MGRN1: variants seen among roughly 807,000 people sequenced by gnomAD.
MGRN1 encodes the protein mahogunin ring finger 1.
Under a neutral mutation model 69.2 loss-of-function variants are expected in MGRN1, and 29 were observed. The ratio of observed to expected loss-of-function variants is 0.42; its 90% CI spans 0.31 to 0.57. The LOEUF is 0.57. MGRN1 is among the 20% of genes least tolerant of loss of function. MGRN1 has a pLI of 0.15. For synonymous variants in MGRN1, 470 were observed against 344.2 expected (o/e 1.37, Z -4.04); for missense variants, 998 against 796.2 (o/e 1.25, Z -3.05).
chr16:4,630,755 G>A (rs1052595668), intron 1 of MGRN1, among the ~76,000 whole-genome samples: 1 of 148,868 alleles, frequency 6.7e-6, no homozygotes, highest in Non-Finnish European at 1.5e-5. Context: ...TTTTCTAGAA[G>A]TTTTATAGTT....
Position 4,683,950 on chromosome 16 carries a change from T to A in MGRN1, c.1618+18T>A. 1 of 465,002 alleles carries A rather than the reference T, an allele frequency of 2.2e-6. No homozygotes were observed. Among genetic ancestry groups the A allele is most frequent in the Non-Finnish European group, 4.0e-6 (1 of 248,672 alleles). 28.8% of individuals were successfully genotyped at this position (465,002 alleles called of 1,614,324 possible). On this transcript the variant is annotated intron_variant, in intron 16 of 16. Transcript: ENST00000262370. ...CCTGCCAGGTAAGGGGCTGGGGGTC[T>A]GGGGGTGAGGGGCTGGGTGCCTGTC...
At chr16:4,684,002 C>G in intron 16 of MGRN1, 70 bp downstream of exon 16, 1 of 1,362,078 alleles carries the variant, frequency 7.3e-7, no homozygotes, top group South Asian at 1.3e-5. Context: ...GGGCCCTGCT[C>G]TGATGGTCGG....
In MGRN1 at chr16:4,669,682, T is replaced by C. The variant is rs142863610; in HGVS notation, c.726+1370T>C. On this transcript the variant is annotated intron_variant, in intron 8 of 16. Coordinates refer to ENST00000262370, the MANE Select transcript of MGRN1 (RefSeq NM_015246.4). ...ACCAGAAACAAAGTCTGCAACTCCT[T>C]CTCCTCTTCCTTACAAATTGTCCAA... is the stretch of plus-strand genomic sequence containing the variant. Among the ~76,000 whole-genome samples the C allele has an allele frequency of 1.9e-4, 29 of 152,260 alleles. No homozygotes were observed. In the East Asian group the frequency reaches 5.4e-3, roughly 28 times the overall value.
intron 16 of MGRN1, chr16:4,687,080 A>G: frequency 1.0e-6 from 1 of 985,494 alleles, no homozygotes; most frequent in Non-Finnish European, 1.2e-6. Flanking sequence ...CCTGGCACAC[A>G]GTCCCTCGTG....
intron 1 of MGRN1, among the ~76,000 whole-genome samples, chr16:4,647,866 C>T (rs2078307187): frequency 6.6e-6 from 1 of 152,156 alleles, no homozygotes; most frequent in Non-Finnish European, 1.5e-5. Context: ...ACCACTGTTC[C>T]TGGCAGTCAG....
At chr16:4,685,852 T>A (rs573596092) in intron 16 of MGRN1, among the ~76,000 whole-genome samples, 1 of 152,266 alleles carries the variant, frequency 6.6e-6, no homozygotes, top group African/African-American at 2.4e-5. Flanking sequence ...AACCCTGCTG[T>A]CCCTGTAGAT....
intron 1 of MGRN1, among the ~76,000 whole-genome samples, chr16:4,628,988 C>G (rs1325569010): frequency 2.6e-5 from 4 of 152,096 alleles, no homozygotes; most frequent in Admixed American, 2.0e-4. Flanking sequence ...AGGCACTGGC[C>G]ACTATGCCAG....
intron 16 of MGRN1, among the ~76,000 whole-genome samples, chr16:4,684,536 CAG>C (rs1488019874): frequency 6.6e-6 from 1 of 152,378 alleles, no homozygotes; most frequent in African/African-American, 2.4e-5. Context: ...AGGCCAGGCA[CAG>C]AGGACGGCGG....
intron 1 of MGRN1, among the ~76,000 whole-genome samples, chr16:4,642,024 T>C (rs1474961974): frequency 2.0e-5 from 3 of 152,130 alleles, no homozygotes. Flanking sequence ...AGTTGTTGAT[T>C]GTCTGCGCCG....
rs1328400263 is a variant in MGRN1 at position 4,674,619 on chromosome 16, TTCTTTTC to T, written c.955+964_955+970del. On this transcript the variant is annotated intron_variant, in intron 10 of 16. Coordinates refer to ENST00000262370, the MANE Select transcript of MGRN1 (RefSeq NM_015246.4). The stretch of plus-strand genomic sequence containing the variant: ...TTCTTTTCTTTTTTTTTCTTTTCTT[TTCTTTTC>T]TTTTTTTTTTTTTTTTTTTTTTTTT... Among the ~76,000 whole-genome samples, 78 of 126,482 alleles carry T rather than the reference TTCTTTTC, an allele frequency of 6.2e-4. 1 individual carries two copies. The highest frequency in any genetic ancestry group is 2.2e-3 in the African/African-American group (75 of 34,466). 83.0% of individuals were successfully genotyped at this position (126,482 alleles called of 152,430 possible). A position where few individuals can be genotyped will look rare whatever the true frequency, so the allele number is the denominator to read the frequency against.
At chr16:4,663,508 C>T (rs1370670617) in intron 5 of MGRN1, among the ~76,000 whole-genome samples, 1 of 150,562 alleles carries the variant, frequency 6.6e-6, no homozygotes, top group East Asian at 2.0e-4. Flanking sequence ...TTCAGTAAAT[C>T]TTCATTGAGA....
At chr16:4,662,770 G>A (rs940886583) in intron 5 of MGRN1, among the ~76,000 whole-genome samples, 3 of 152,188 alleles carry the variant, frequency 2.0e-5, no homozygotes, top group Admixed American at 6.5e-5. Flanking sequence ...CCCACTTCAC[G>A]GGGGGACAGC....
chr16:4,674,545 C>T (rs1470380092), intron 10 of MGRN1, among the ~76,000 whole-genome samples: 1 of 150,200 alleles, frequency 6.7e-6, no homozygotes, highest in Non-Finnish European at 1.5e-5. Context: ...CCTGGGCCTC[C>T]CAAAGTGCTG....
At chr16:4,685,438 C>T (rs2079289537) in intron 16 of MGRN1, among the ~76,000 whole-genome samples, 1 of 152,204 alleles carries the variant, frequency 6.6e-6, no homozygotes, top group Non-Finnish European at 1.5e-5. Flanking sequence ...TCTTCAGGCC[C>T]ACAGACGGGG....
chr16:4,661,650 C>G (rs2078684152), intron 5 of MGRN1, among the ~76,000 whole-genome samples: 2 of 152,274 alleles, frequency 1.3e-5, no homozygotes, highest in Non-Finnish European at 2.9e-5. Context: ...CCCTTCCTCA[C>G]TAACAGAGAC....
chr16:4,672,619 ACT>A (rs2078964829), intron 9 of MGRN1: 20 of 358,092 alleles, frequency 5.6e-5, no homozygotes, highest in South Asian at 4.1e-4. Context: ...TGTTGCACTG[ACT>A]CCACGCTGCC....
At chr16:4,664,385 T>G in intron 5 of MGRN1, 1 of 380,822 alleles carries the variant, frequency 2.6e-6, no homozygotes, top group Non-Finnish European at 4.8e-6. Context: ...TGGGTGCTGA[T>G]GGCTACGTGT....
intron 12 of MGRN1, 33 bp downstream of exon 12, chr16:4,680,130 G>GC (rs1428514150): frequency 3.2e-5 from 51 of 1,605,216 alleles, no homozygotes; most frequent in Non-Finnish European, 4.3e-5. Context: ...ACGTTTTTTT[G>GC]CCCCCGCCCT....
intron 12 of MGRN1, 81 bp downstream of exon 12, chr16:4,680,178 C>A: frequency 2.2e-6 from 3 of 1,381,594 alleles, no homozygotes; most frequent in South Asian, 2.4e-5. Context: ...AGATCGTTTC[C>A]GCCCCAGGCT....
Sources: gnomAD v4.1 joint callset for allele counts (sites outside exome capture counted in the v4.1 genomes callset) on GRCh38, gnomAD v4.1.1 for gene constraint, MANE v1.5 for transcripts, NCBI Gene and HGNC (gene_info 2026-07-23, HGNC 2026-07-21) for gene names.